PRPF38B: variants seen among roughly 807,000 people sequenced by gnomAD.
PRPF38B encodes the protein pre-mRNA processing factor 38B, also known as pre-mRNA-splicing factor 38B.
In PRPF38B, 18 loss-of-function variants were observed where a neutral mutation model predicts 67.2. The ratio of observed to expected loss-of-function variants is 0.27; its 90% confidence interval spans 0.19 to 0.40. The LOEUF is 0.40. PRPF38B is among the 10% of genes least tolerant of loss of function. The probability of loss-of-function intolerance (pLI) is 1.00; values close to 1 mark genes in which losing one functional copy is unlikely to be tolerated. For missense variants in PRPF38B, 544 were observed against 684.9 expected (o/e 0.79, Z 2.30); for synonymous variants, 246 against 234.2 (o/e 1.05, Z -0.46).
At chr1:108,697,408 TAC>T (rs1341877050) in intron 4 of PRPF38B, 1 of 152,192 alleles carries the variant, frequency 6.6e-6, no homozygotes, top group Non-Finnish European at 1.5e-5. Flanking sequence ...GTAGTCTATT[TAC>T]AGAGTTCATC....
At chr1:108,695,400 A>G (rs1659769432) in intron 1 of PRPF38B, among the ~76,000 whole-genome samples, 1 of 152,182 alleles carries the variant, frequency 6.6e-6, no homozygotes, top group South Asian at 2.1e-4. Flanking sequence ...ACCAAGTGAG[A>G]CTATAGAAAT....
At chr1:108,695,299 T>G (rs1405039548) in intron 1 of PRPF38B, among the ~76,000 whole-genome samples, 1 of 151,808 alleles carries the variant, frequency 6.6e-6, no homozygotes, top group East Asian at 1.9e-4. Flanking sequence ...ATTGGAGACT[T>G]AAATCCATTT....
Position 108,696,289 on chromosome 1 carries a change from C to T in PRPF38B, c.510C>T (p.Pro170=). 1.2e-6 allele frequency: 2 copies of T among 1,612,704 alleles called. No homozygotes were observed. The highest frequency in any genetic ancestry group is 2.2e-5 in the East Asian group (1 of 44,830). ...LGFMYIRYTQ[P]PTDLWDWFES... is the part of the protein sequence containing the mutation. ...TTTGTAATTCTAGATATACACAGCC[C>T]CCTACAGATCTGTGGGACTGGTTTG... The change falls in exon 4 of 6, where the codon CCC becomes CCT. Residue 170 remains proline, a synonymous_variant. Transcript: ENST00000370025.
At chr1:108,695,586 A>T in intron 1 of PRPF38B, 116 bp from the exon 2 acceptor site, 1 of 963,440 alleles carries the variant, frequency 1.0e-6, no homozygotes, top group Non-Finnish European at 1.6e-6. Flanking sequence ...ACATATACTT[A>T]ATGCCAAAAT....
Position 108,701,135 on chromosome 1 carries a change from T to C in PRPF38B, c.*1115T>C, listed in dbSNP as rs1190833403. On this transcript the variant is annotated 3_prime_UTR_variant, in exon 6 of 6. Transcript: ENST00000370025. ...TAGATTGTTCTTACAACTTGTATTC[T>C]GATTACAGAACCATCATGAGTGTGG... is the stretch of plus-strand genomic sequence containing the variant. 1 of 152,708 alleles carries C rather than the reference T, an allele frequency of 6.5e-6. No homozygotes were observed. Among genetic ancestry groups the C allele is most frequent in the Non-Finnish European group, 1.5e-5 (1 of 68,052 alleles). 9.5% of individuals were successfully genotyped at this position (152,708 alleles called of 1,614,324 possible). A position where few individuals can be genotyped will look rare whatever the true frequency, so the allele number is the denominator to read the frequency against.
At chr1:108,694,015 C>T (rs963876704) in intron 1 of PRPF38B, among the ~76,000 whole-genome samples, 2 of 152,146 alleles carry the variant, frequency 1.3e-5, no homozygotes, top group African/African-American at 4.8e-5. Flanking sequence ...GTCTTGCCCA[C>T]CTTTTCCCCC....
chr1:108,702,767 C>G lies in PRPF38B; in HGVS notation c.*2747C>G, dbSNP rs1660639762. Reference sequence around the variant, plus strand: ...AAACCGGCACGTTCTGCACATGTATCTGAACTTAAAGTATAATTTAAAAAA... The same window carrying G: ...AAACCGGCACGTTCTGCACATGTATGTGAACTTAAAGTATAATTTAAAAAA... On this transcript the variant is annotated 3_prime_UTR_variant, in exon 6 of 6. Coordinates refer to ENST00000370025, the MANE Select transcript of PRPF38B (RefSeq NM_018061.4). 6.6e-6 allele frequency among the ~76,000 whole-genome samples: 1 copy of G among 152,090 alleles called. No homozygotes were observed. Among genetic ancestry groups the G allele is most frequent in the South Asian group, 2.1e-4 (1 of 4,826 alleles).
chr1:108,692,610 G>T lies in PRPF38B; in HGVS notation c.19G>T (p.Ala7Ser), dbSNP rs1462110898. MANNSP[A>S]LTGNSQPQHQ... Reference sequence around the variant, plus strand: ...CCGCAACATGGCTAACAACAGCCCCGCGCTGACAGGCAACTCGCAGCCGCA... The same window carrying T: ...CCGCAACATGGCTAACAACAGCCCCTCGCTGACAGGCAACTCGCAGCCGCA... The change falls in exon 1 of 6, where the codon GCG becomes TCG. Residue 7 changes from alanine (A) to serine (S), a missense_variant. Physicochemically the swap from Ala to Ser is moderately conservative, Grantham distance 99. This residue lies in a region of PRPF38B where 70 missense variants were observed against 58.4 expected (regional missense o/e 1.20). Coordinates refer to ENST00000370025, the MANE Select transcript of PRPF38B (RefSeq NM_018061.4). The T allele has an allele frequency of 7.7e-7, 1 of 1,290,564 alleles. No homozygotes were observed. The highest frequency in any genetic ancestry group is 1.7e-5 in the African/African-American group (1 of 60,558). 79.9% of individuals were successfully genotyped at this position (1,290,564 alleles called of 1,614,324 possible).
chr1:108,702,768 T>C lies in PRPF38B; in HGVS notation c.*2748T>C, dbSNP rs1660639939. ...AACCGGCACGTTCTGCACATGTATC[T>C]GAACTTAAAGTATAATTTAAAAAAA... On this transcript the variant is annotated 3_prime_UTR_variant, in exon 6 of 6. Coordinates refer to ENST00000370025, the MANE Select transcript of PRPF38B (RefSeq NM_018061.4). Among the ~76,000 whole-genome samples the C allele has an allele frequency of 6.6e-6, 1 of 152,180 alleles. No homozygotes were observed.
chr1:108,694,442 A>AG (rs1180829586), intron 1 of PRPF38B, among the ~76,000 whole-genome samples: 6 of 152,250 alleles, frequency 3.9e-5, no homozygotes, highest in African/African-American at 1.4e-4. Context: ...CTAAAGACCC[A>AG]GTTTTTTTAC....
intron 1 of PRPF38B, among the ~76,000 whole-genome samples, chr1:108,694,855 C>A (rs1659708077): frequency 6.6e-6 from 1 of 151,880 alleles, no homozygotes; most frequent in South Asian, 2.1e-4. Context: ...GTTGTTGTTG[C>A]TATTTTTAGA....
rs946999297 is a variant in PRPF38B, at chr1:108,695,836, C to A, written c.345+66C>A. The A allele has an allele frequency of 2.5e-5, 38 of 1,534,800 alleles. 2 individuals are homozygous for A. In the South Asian group the frequency reaches 4.1e-4, roughly 17 times the overall value. On this transcript the variant is annotated intron_variant, in intron 2 of 5. Coordinates refer to ENST00000370025, the MANE Select transcript of PRPF38B (RefSeq NM_018061.4). Reference sequence around the variant, plus strand: ...AATAACTAAGTTTATATTTAGAGAACTAGAGGCCTGTCAATTATACACTTG... The same window carrying A: ...AATAACTAAGTTTATATTTAGAGAAATAGAGGCCTGTCAATTATACACTTG...
At chr1:108,694,715 A>G (rs754887859) in intron 1 of PRPF38B, among the ~76,000 whole-genome samples, 2 of 152,204 alleles carry the variant, frequency 1.3e-5, no homozygotes, top group Non-Finnish European at 2.9e-5. Context: ...GGGTGGAAAT[A>G]GAATTTTAGA....
chr1:108,696,498 CT>C, intron 4 of PRPF38B, 161 bp downstream of exon 4: 1 of 647,336 alleles, frequency 1.5e-6, no homozygotes, highest in Non-Finnish European at 2.6e-6. Context: ...GACCTGATGG[CT>C]TTTATGTATT....
chr1:108,699,543 G>A lies in PRPF38B; in HGVS notation c.1164G>A (p.Arg388=). Residue 388 remains arginine (R), a synonymous_variant, in exon 6 of 6, where the codon AGG becomes AGA. Transcript: ENST00000370025. The part of the protein sequence containing the change: ...REKERERSRE[R]SKEQRSRGEV... ...AAGAGAGAGAGCGATCAAGAGAAAG[G>A]TCCAAGGAACAGAGAAGTAGGGGAG... is the stretch of plus-strand genomic sequence containing the variant. 6.4e-7 allele frequency: 1 copy of A among 1,555,872 alleles called. No individual in the cohort carries two copies. Among genetic ancestry groups the A allele is most frequent in the African/African-American group, 1.4e-5 (1 of 73,186 alleles).
intron 1 of PRPF38B, among the ~76,000 whole-genome samples, chr1:108,694,248 T>A (rs1645264222): frequency 6.6e-6 from 1 of 152,228 alleles, no homozygotes; most frequent in South Asian, 2.1e-4. Flanking sequence ...CATTTAATCC[T>A]TAGCTTTATT....
chr1:108,692,451 G>C lies in PRPF38B; in HGVS notation c.-141G>C. On this transcript the variant is annotated 5_prime_UTR_variant, in exon 1 of 6. Coordinates refer to ENST00000370025, the MANE Select transcript of PRPF38B (RefSeq NM_018061.4). ...TTGTCGGCGTCGGGTGCCCTCTCTT[G>C]CCCAGCTGGGGCACAGCGAGGCGGC... is the stretch of plus-strand genomic sequence containing the variant. 1 of 1,037,980 alleles carries C rather than the reference G, an allele frequency of 9.6e-7. No individual in the cohort carries two copies. The highest frequency in any genetic ancestry group is 1.7e-5 in the South Asian group (1 of 59,252). 64.3% of individuals were successfully genotyped at this position (1,037,980 alleles called of 1,614,324 possible).
intron 5 of PRPF38B, 74 bp downstream of exon 5, chr1:108,698,901 A>C: frequency 7.3e-7 from 1 of 1,376,298 alleles, no homozygotes; most frequent in Middle Eastern, 2.1e-4. Context: ...AGAAATAGCA[A>C]GTTCTTAGGA....
At position 108,702,280 on chromosome 1, in the gene PRPF38B, C is replaced by T. The variant is rs762775272; in HGVS notation, c.*2260C>T. On this transcript the variant is annotated 3_prime_UTR_variant, in exon 6 of 6. Transcript: ENST00000370025. ...AGCTGGGACCACAGGTGCATGCTAG[C>T]ACACCCGGCTAATTTGTATTTTTGG... Among the ~76,000 whole-genome samples, 2 of 152,120 alleles carry T rather than the reference C, an allele frequency of 1.3e-5. No individual in the cohort carries two copies. Among genetic ancestry groups the T allele is most frequent in the Non-Finnish European group, 2.9e-5 (2 of 68,030 alleles).
Sources: allele counts gnomAD v4.1 joint callset (sites outside exome capture counted in the v4.1 genomes callset), GRCh38; gene constraint gnomAD v4.1.1; regional missense constraint gnomAD v4.1.1; transcripts MANE v1.5; gene names NCBI Gene and HGNC (gene_info 2026-07-23, HGNC 2026-07-21).